The following PROM1 variants were observed in gnomAD, a reference collection of about 807,000 sequenced individuals.
PROM1 encodes prominin 1, also known as prominin-1.
PROM1 carries 105 observed loss-of-function variants against 116.9 expected under a neutral mutation model. The observed-to-expected ratio is 0.90, with a 90% CI of 0.77 to 1.06. The LOEUF (loss-of-function observed/expected upper bound fraction) is 1.06, where lower values mean the gene tolerates loss of function less well. Ranked by LOEUF, PROM1 falls within the 50% of genes least tolerant of loss-of-function variation. The pLI is 0.00. For synonymous variants in PROM1, 393 were observed against 387.0 expected (o/e 1.02, Z -0.18); for missense variants, 1,122 against 1,045.2 (o/e 1.07, Z -1.01).
chr4:16,002,427 A>G (rs777377160), intron 13 of PROM1, among the ~76,000 whole-genome samples: 1 of 152,118 alleles, frequency 6.6e-6, no homozygotes, highest in Non-Finnish European at 1.5e-5. Flanking sequence ...CAAATCAAAT[A>G]CCATCACTGG....
intron 1 of PROM1, chr4:16,080,011 C>CAAAAAAAAAAAAAAA (rs60504899): frequency 3.0e-5 from 2 of 65,906 alleles, no homozygotes; most frequent in African/African-American, 6.0e-5. Context: ...CCTGTCTCTA[C>CAAAAAAAAAAAAAAA]AAAAAAAAAA....
intron 3 of PROM1, among the ~76,000 whole-genome samples, chr4:16,038,181 AC>A (rs1734358209): frequency 6.6e-6 from 1 of 152,058 alleles, no homozygotes; most frequent in Non-Finnish European, 1.5e-5. Flanking sequence ...CCTTATCTCC[AC>A]CTTCCTTCAT....
chr4:16,015,793 G>C (rs1176593360), intron 10 of PROM1, among the ~76,000 whole-genome samples: 1 of 152,014 alleles, frequency 6.6e-6, no homozygotes, highest in Non-Finnish European at 1.5e-5. Context: ...GTGCAAATGC[G>C]TGAAGGTGGG....
At chr4:16,022,930 A>G (rs1730270928) in intron 8 of PROM1, among the ~76,000 whole-genome samples, 1 of 152,182 alleles carries the variant, frequency 6.6e-6, no homozygotes, top group South Asian at 2.1e-4. Context: ...TTTCTATAAA[A>G]GGCCAGATAG....
chr4:16,013,179 G>T, intron 11 of PROM1, 96 bp downstream of exon 11: 2 of 995,604 alleles, frequency 2.0e-6, no homozygotes, highest in East Asian at 2.4e-5. Flanking sequence ...ATGAGAAACT[G>T]TTTTTTTAAG....
intron 13 of PROM1, 103 bp downstream of exon 13, chr4:16,006,435 G>C (rs973747819): frequency 7.4e-7 from 1 of 1,348,900 alleles, no homozygotes; most frequent in East Asian, 2.6e-5. Context: ...GGAACCCCGC[G>C]TACGTGGCCC....
rs1560459874 is a variant in PROM1, at chr4:16,004,828, T to TTTCTTTCTTTCTTTCTTTC, written c.1454+1709_1454+1710insGAAAGAAAGAAAGAAAGAA. ...TAATCTTTCTTTCTTTCTTTCTTTC[T>TTTCTTTCTTTCTTTCTTTC]TTTTCTTCCTTCCTTCCTTCCTTCC... On this transcript the variant is annotated intron_variant, in intron 13 of 27. Transcript: ENST00000447510. Among the ~76,000 whole-genome samples, 176 of 77,920 alleles carry TTTCTTTCTTTCTTTCTTTC rather than the reference T, an allele frequency of 2.3e-3. 3 individuals are homozygous for TTTCTTTCTTTCTTTCTTTC. Among genetic ancestry groups the TTTCTTTCTTTCTTTCTTTC allele is most frequent in the African/African-American group, 6.9e-3 (168 of 24,188 alleles). The allele number at this position is 77,920 out of a possible 152,430, so 51.1% of individuals were successfully genotyped here.
intron 2 of PROM1, among the ~76,000 whole-genome samples, chr4:16,066,570 A>C (rs1741585625): frequency 6.6e-6 from 1 of 152,146 alleles, no homozygotes; most frequent in Non-Finnish European, 1.5e-5. Flanking sequence ...TCTTGATCCC[A>C]GGCACAGGCC....
intron 2 of PROM1, among the ~76,000 whole-genome samples, chr4:16,063,214 G>C (rs1740752507): frequency 6.6e-6 from 1 of 152,176 alleles, no homozygotes; most frequent in African/African-American, 2.4e-5. Context: ...TGCAGCCTAA[G>C]GGAAATAGTG....
chr4:16,042,312 A>G (rs1230036755), intron 2 of PROM1, among the ~76,000 whole-genome samples: 1 of 152,226 alleles, frequency 6.6e-6, no homozygotes, highest in Non-Finnish European at 1.5e-5. Flanking sequence ...AGAATTTTTG[A>G]TACTATAAAA....
At chr4:16,055,914 T>A (rs1738899578) in intron 2 of PROM1, among the ~76,000 whole-genome samples, 1 of 152,150 alleles carries the variant, frequency 6.6e-6, no homozygotes, top group East Asian at 1.9e-4. Flanking sequence ...ATTTCCTGCA[T>A]ATCTAACCCT....
intron 26 of PROM1, 102 bp from the exon 27 acceptor site, chr4:15,971,184 C>A (rs73801553): frequency 1.1e-6 from 1 of 922,382 alleles, no homozygotes; most frequent in Non-Finnish European, 1.6e-6. Flanking sequence ...AAGGTACAGA[C>A]GAATATAAAC....
chr4:15,981,565 CTA>C (rs926152071), intron 23 of PROM1, among the ~76,000 whole-genome samples: 10 of 142,206 alleles, frequency 7.0e-5, no homozygotes, highest in African/African-American at 2.6e-4. Flanking sequence ...GAACGAGACT[CTA>C]TCTCAAAAAA....
rs755559060 is a variant in PROM1, at chr4:16,016,277, T to C, written c.1003-37A>G. 7.7e-5 allele frequency: 114 copies of C among 1,484,150 alleles called. 1 individual carries two copies. The South Asian group carries it at 1.3e-3, about 17-fold the overall frequency. 91.9% of individuals were successfully genotyped at this position (1,484,150 alleles called of 1,614,324 possible). On this transcript the variant is annotated intron_variant, in intron 9 of 27. Transcript: ENST00000447510. ...TAAAACAAAATATAAGACAAGGTTG[T>C]TACCTTCAAAACAATTCCTCATGAA... is the stretch of plus-strand genomic sequence containing the variant.
chr4:16,039,270 C>A (rs1163969544), intron 2 of PROM1, among the ~76,000 whole-genome samples: 1 of 152,118 alleles, frequency 6.6e-6, no homozygotes, highest in Non-Finnish European at 1.5e-5. Flanking sequence ...TCATAATACA[C>A]CTTAATATTT....
chr4:16,002,129 C>T (rs913025954), intron 13 of PROM1, among the ~76,000 whole-genome samples: 3 of 151,818 alleles, frequency 2.0e-5, no homozygotes, highest in African/African-American at 7.3e-5. Flanking sequence ...GTAAAGCCAT[C>T]TGCTGAGAGA....
chr4:16,050,583 G>A (rs1737639928), intron 2 of PROM1, among the ~76,000 whole-genome samples: 1 of 152,080 alleles, frequency 6.6e-6, no homozygotes, highest in African/African-American at 2.4e-5. Context: ...CGAACTCCTG[G>A]GCTCAAGTGA....
At chr4:15,973,336 A>C (rs1445264522) in intron 26 of PROM1, among the ~76,000 whole-genome samples, 1 of 152,108 alleles carries the variant, frequency 6.6e-6, no homozygotes, top group African/African-American at 2.4e-5. Flanking sequence ...AATCCCAGCT[A>C]CTCAGGAGGC....
intron 1 of PROM1, among the ~76,000 whole-genome samples, chr4:16,078,924 T>C (rs528369876): frequency 3.6e-4 from 55 of 152,312 alleles, no homozygotes; most frequent in African/African-American, 1.2e-3. Context: ...TGTCAAATCA[T>C]GGGCTGCTCA....
Sources: gnomAD v4.1 joint callset for allele counts (sites outside exome capture counted in the v4.1 genomes callset) on GRCh38, gnomAD v4.1.1 for gene constraint, MANE v1.5 for transcripts, NCBI Gene and HGNC (gene_info 2026-07-23, HGNC 2026-07-21) for gene names.